SIAH1: variants seen among roughly 807,000 people sequenced by gnomAD.
SIAH1 encodes E3 ubiquitin-protein ligase SIAH1.
A neutral mutation model predicts 20.0 loss-of-function variants in SIAH1; 2 were observed. That is an observed-to-expected ratio of 0.10 (90% confidence interval 0.04 to 0.31). The LOEUF (loss-of-function observed/expected upper bound fraction) is 0.31. Ranked by LOEUF, SIAH1 falls within the 10% of genes least tolerant of loss-of-function variation. The pLI, the probability that SIAH1 is intolerant of heterozygous loss-of-function variation, is 1.00. For synonymous variants in SIAH1, 118 were observed against 125.3 expected (o/e 0.94, Z 0.39); for missense variants, 119 against 355.3 (o/e 0.33, Z 5.35).
At chr16:48,365,946 G>T (rs921414643) in intron 1 of SIAH1, 2 of 1,193,568 alleles carry the variant, frequency 1.7e-6, no homozygotes, top group Non-Finnish European at 2.1e-6. Context: ...GCCTGCGTTG[G>T]GAACGCCTAC....
intron 1 of SIAH1, chr16:48,365,421 T>C (rs760089036): frequency 2.5e-6 from 4 of 1,613,918 alleles, no homozygotes; most frequent in African/African-American, 1.3e-5. Context: ...CTGGTAAACA[T>C]GTGAACAAGA....
rs1235291678 is a variant in SIAH1, at chr16:48,362,616, G to C, written c.-2-186C>G. On this transcript the variant is annotated intron_variant, in intron 1 of 1. Coordinates refer to ENST00000394725, the MANE Select transcript of SIAH1 (RefSeq NM_003031.4). The surrounding 1 kb of genome is among the most constrained non-coding windows in gnomAD (Gnocchi z 4.2). The stretch of plus-strand genomic sequence containing the variant: ...ATTACACTGAATGTGCACTTTATTA[G>C]GATCTGTACACTGGATAAGCTCTCT... 4.9e-6 allele frequency: 3 copies of C among 609,034 alleles called. No homozygotes were observed. In the Admixed American group the frequency reaches 9.3e-5, roughly 19 times the overall value. 37.7% of individuals were successfully genotyped at this position (609,034 alleles called of 1,614,324 possible). A position where few individuals can be genotyped will look rare whatever the true frequency, so the allele number is the denominator to read the frequency against.
chr16:48,366,691 C>A (rs1960850479), intron 1 of SIAH1, among the ~76,000 whole-genome samples: 1 of 152,182 alleles, frequency 6.6e-6, no homozygotes, highest in African/African-American at 2.4e-5. Context: ...ATGCTTAGGG[C>A]AGCCTCAAAA....
In SIAH1 at chr16:48,362,668, G is replaced by A; in HGVS notation, c.-2-238C>T. The A allele has an allele frequency of 2.1e-6, 1 of 480,280 alleles. No individual in the cohort carries two copies. The highest frequency in any genetic ancestry group is 4.1e-5 in the East Asian group (1 of 24,542). The allele number at this position is 480,280 out of a possible 1,614,324, so 29.8% of individuals were successfully genotyped here. ...TTCAAAATGTTCCGGAAAACATGTGGAACTCCCTTAATCGTCTTTGGATAG... is the reference window on the plus strand; with the variant it reads ...TTCAAAATGTTCCGGAAAACATGTGAAACTCCCTTAATCGTCTTTGGATAG... On this transcript the variant is annotated intron_variant, in intron 1 of 1. Transcript: ENST00000394725. The surrounding 1 kb of genome is among the most constrained non-coding windows in gnomAD (Gnocchi z 4.2).
intron 1 of SIAH1, among the ~76,000 whole-genome samples, chr16:48,381,242 G>A (rs56142601): frequency 6.9e-4 from 105 of 152,272 alleles, no homozygotes; most frequent in South Asian, 1.4e-3. Context: ...CTACTCAGGA[G>A]ACTGAGGCAC....
At position 48,362,703 on chromosome 16, in the gene SIAH1, A is replaced by T; in HGVS notation, c.-2-273T>A. The T allele has an allele frequency of 3.1e-6, 1 of 319,328 alleles. No homozygotes were observed. The highest frequency in any genetic ancestry group is 6.1e-6 in the Non-Finnish European group (1 of 163,944). The allele number at this position is 319,328 out of a possible 1,614,324, so 19.8% of individuals were successfully genotyped here. On this transcript the variant is annotated intron_variant, in intron 1 of 1. Transcript: ENST00000394725. This position sits in a 1 kb window ranked among gnomAD's most constrained non-coding sequence, Gnocchi z 4.2. ...AATCGTCTTTGGATAGACTACATAG[A>T]ATAATAAATGCTAAAATAGAAAATG...
intron 1 of SIAH1, among the ~76,000 whole-genome samples, chr16:48,383,566 T>C (rs1022153661): frequency 7.9e-4 from 120 of 152,370 alleles, no homozygotes; most frequent in African/African-American, 2.7e-3. Flanking sequence ...CCCACTTTTC[T>C]AAGTTGGTTA....
At chr16:48,372,614 C>G (rs1489018254) in intron 1 of SIAH1, among the ~76,000 whole-genome samples, 5 of 152,166 alleles carry the variant, frequency 3.3e-5, no homozygotes, top group African/African-American at 1.2e-4. Context: ...TGAGGTCGAT[C>G]TAATAACATA....
In SIAH1 at chr16:48,385,377, C is replaced by T. The variant is rs1045227486; in HGVS notation, c.-176G>A. 7.2e-4 allele frequency: 107 copies of T among 149,250 alleles called. No homozygotes were observed. The highest frequency in any genetic ancestry group is 1.2e-3 in the Non-Finnish European group (86 of 70,976). 9.2% of individuals were successfully genotyped at this position (149,250 alleles called of 1,614,324 possible). A position where few individuals can be genotyped will look rare whatever the true frequency, so the allele number is the denominator to read the frequency against. The stretch of plus-strand genomic sequence containing the variant: ...CCCGCAACGGCCGCCCCGGCTCCCC[C>T]CTGGCCGCCGCCGCCGCCGCCGTTT... On this transcript the variant is annotated 5_prime_UTR_variant, in exon 1 of 2. Coordinates refer to ENST00000394725, the MANE Select transcript of SIAH1 (RefSeq NM_003031.4).
chr16:48,362,903 C>T lies in SIAH1; in HGVS notation c.-2-473G>A, dbSNP rs1445487853. ...ATAAAATCGGCACTCTGTATCCACA[C>T]GGTCTGCATCCGAGGACTTCACCAG... On this transcript the variant is annotated intron_variant, in intron 1 of 1. Coordinates refer to ENST00000394725, the MANE Select transcript of SIAH1 (RefSeq NM_003031.4). The surrounding 1 kb of genome is among the most constrained non-coding windows in gnomAD (Gnocchi z 4.2). 1.2e-5 allele frequency: 2 copies of T among 167,502 alleles called. No homozygotes were observed. Among genetic ancestry groups the T allele is most frequent in the East Asian group, 3.8e-4 (2 of 5,208 alleles). The allele number at this position is 167,502 out of a possible 1,614,324, so 10.4% of individuals were successfully genotyped here.
rs59376248 is a variant in SIAH1 at position 48,380,928 on chromosome 16, C to CAAAAAAA, written c.-3+4269_-3+4275dup. On this transcript the variant is annotated intron_variant, in intron 1 of 1. Coordinates refer to ENST00000394725, the MANE Select transcript of SIAH1 (RefSeq NM_003031.4). Reference sequence around the variant, plus strand: ...TGGGCGACAGAGTGAGACTCCGTCTCAAAAAAAAAAAAAAAAAGAACGGCT... The same window carrying CAAAAAAA: ...TGGGCGACAGAGTGAGACTCCGTCTCAAAAAAAAAAAAAAAAAAAAAAAAGAACGGCT... 1.8e-3 allele frequency among the ~76,000 whole-genome samples: 81 copies of CAAAAAAA among 44,930 alleles called. 7 individuals are homozygous for CAAAAAAA. Among genetic ancestry groups the CAAAAAAA allele is most frequent in the Non-Finnish European group, 2.6e-3 (69 of 27,046 alleles). The allele number at this position is 44,930 out of a possible 152,430, so 29.5% of individuals were successfully genotyped here.
intron 1 of SIAH1, among the ~76,000 whole-genome samples, chr16:48,370,137 A>G (rs1233995183): frequency 1.3e-5 from 2 of 152,212 alleles, no homozygotes; most frequent in African/African-American, 4.8e-5. Context: ...ATGCTAAAGC[A>G]TTTTCCAAAA....
chr16:48,365,725 C>G, intron 1 of SIAH1: 1 of 1,419,870 alleles, frequency 7.0e-7, no homozygotes, highest in East Asian at 2.5e-5. Context: ...CACAGCTGCG[C>G]TGTCCTCCAA....
intron 1 of SIAH1, among the ~76,000 whole-genome samples, chr16:48,367,569 T>C (rs1370952828): frequency 1.3e-5 from 2 of 152,240 alleles, no homozygotes; most frequent in Non-Finnish European, 2.9e-5. Context: ...GTATCATGGA[T>C]GGTACATATT....
intron 1 of SIAH1, among the ~76,000 whole-genome samples, chr16:48,371,136 A>T (rs2151050187): frequency 6.6e-6 from 1 of 151,174 alleles, no homozygotes; most frequent in African/African-American, 2.4e-5. Context: ...AAAAAAAAGT[A>T]AGAGCAAGCT....
intron 1 of SIAH1, among the ~76,000 whole-genome samples, chr16:48,376,753 G>T (rs145949287): frequency 2.0e-5 from 3 of 152,158 alleles, no homozygotes; most frequent in East Asian, 3.9e-4. Flanking sequence ...ATTAACTAAC[G>T]TCTGTATAGA....
chr16:48,384,027 TAAGGA>T (rs1234863169), intron 1 of SIAH1, among the ~76,000 whole-genome samples: 1 of 152,224 alleles, frequency 6.6e-6, no homozygotes, highest in Non-Finnish European at 1.5e-5. Flanking sequence ...ATTTTGCAGA[TAAGGA>T]AAGCGAAGCA....
rs1304182008 is a variant in SIAH1, at chr16:48,361,955, T to A, written c.474A>T (p.Leu158=). 1.2e-6 allele frequency: 2 copies of A among 1,614,148 alleles called. No individual in the cohort carries two copies. The highest frequency in any genetic ancestry group is 1.7e-6 in the Non-Finnish European group (2 of 1,180,020). Residue 158 remains leucine, a synonymous_variant, in exon 2 of 2, where the codon CTA becomes CTT. Transcript: ENST00000394725. ...CAAGAAAAACTATATCCTCTCCCTG[T>A]AGGGTTGTAATGGACTTATGCTGAT... ...LMHQHKSITT[L]QGEDIVFLAT...
chr16:48,375,928 C>A (rs1276478316), intron 1 of SIAH1, among the ~76,000 whole-genome samples: 1 of 152,182 alleles, frequency 6.6e-6, no homozygotes, highest in Non-Finnish European at 1.5e-5. Context: ...GACCACTGAA[C>A]TACAGGCACA....
Sources: allele counts gnomAD v4.1 joint callset (sites outside exome capture counted in the v4.1 genomes callset), GRCh38; gene constraint gnomAD v4.1.1; non-coding constraint Gnocchi (gnomAD v3.1); transcripts MANE v1.5; gene names NCBI Gene and HGNC (gene_info 2026-07-23, HGNC 2026-07-21).